PRSS3: variants seen among roughly 807,000 people sequenced by gnomAD.
PRSS3 encodes the protein serine protease 3, also known as trypsin-3.
PRSS3 carries 14 observed loss-of-function variants against 20.8 expected under a neutral mutation model. That is an observed-to-expected ratio of 0.67 (90% CI 0.44 to 1.05). The LOEUF (loss-of-function observed/expected upper bound fraction) is 1.05. Among genes scored for constraint, PRSS3 ranks in the 50% least tolerant of loss-of-function variants. The pLI, the probability that PRSS3 is intolerant of heterozygous loss-of-function variation, is 0.00. For missense variants in PRSS3, 237 were observed against 306.4 expected, an observed-to-expected ratio of 0.77 and a Z score of 1.69; for synonymous variants, 91 against 117.6, an observed-to-expected ratio of 0.77 and a Z score of 1.46.
intron 1 of PRSS3, among the ~76,000 whole-genome samples, chr9:33,779,938 G>C (rs1178867253): frequency 7.3e-6 from 1 of 137,086 alleles, no homozygotes; most frequent in African/African-American, 2.7e-5. Flanking sequence ...TAAAATCTAT[G>C]ACTCATTGGC....
chr9:33,752,260 C>A (rs1255574144), intron 1 of PRSS3, among the ~76,000 whole-genome samples: 2 of 152,158 alleles, frequency 1.3e-5, no homozygotes, highest in Non-Finnish European at 2.9e-5. Flanking sequence ...ACATTTGGCA[C>A]CAGTTGTTTC....
intron 1 of PRSS3, among the ~76,000 whole-genome samples, chr9:33,758,169 T>C (rs1404262744): frequency 6.6e-6 from 1 of 152,198 alleles, no homozygotes; most frequent in South Asian, 2.1e-4. Flanking sequence ...CTAATGGTCA[T>C]TTTTCTGCCT....
At chr9:33,756,046 T>G (rs1378660087) in intron 1 of PRSS3, among the ~76,000 whole-genome samples, 1 of 152,226 alleles carries the variant, frequency 6.6e-6, no homozygotes, top group East Asian at 1.9e-4. Flanking sequence ...TTACGCCTTT[T>G]TCTTAAAGAA....
Position 33,750,857 on chromosome 9 carries a change from G to A in PRSS3, c.-53+130G>A. 2.2e-6 allele frequency: 3 copies of A among 1,382,522 alleles called. No homozygotes were observed. The highest frequency in any genetic ancestry group is 1.9e-4 in the Middle Eastern group (1 of 5,336). 85.6% of individuals were successfully genotyped at this position (1,382,522 alleles called of 1,614,324 possible). A position where few individuals can be genotyped will look rare whatever the true frequency, so the allele number is the denominator to read the frequency against. On this transcript the variant is annotated intron_variant, in intron 1 of 5. Transcript: ENST00000342836. The surrounding 1 kb of genome is among the most constrained non-coding windows in gnomAD (Gnocchi z 4.8). ...GCATGGGACCTGCGGGGGAGGGTAC[G>A]CGGACAGGGAGGGGATACCGACTGG... is the stretch of plus-strand genomic sequence containing the variant.
At chr9:33,761,560 G>A (rs1304146473) in intron 1 of PRSS3, among the ~76,000 whole-genome samples, 1 of 152,106 alleles carries the variant, frequency 6.6e-6, no homozygotes, top group East Asian at 1.9e-4. Flanking sequence ...TACAAAATTA[G>A]CCAGGCGTGG....
At chr9:33,751,398 G>A (rs1286230341) in intron 1 of PRSS3, among the ~76,000 whole-genome samples, 1 of 152,192 alleles carries the variant, frequency 6.6e-6, no homozygotes, top group Non-Finnish European at 1.5e-5. Context: ...GCGCAGTGGG[G>A]GAGAAATTTG....
At chr9:33,760,646 T>G (rs1389878489) in intron 1 of PRSS3, among the ~76,000 whole-genome samples, 1 of 148,870 alleles carries the variant, frequency 6.7e-6, no homozygotes, top group East Asian at 2.0e-4. Context: ...CTCGGGAGGC[T>G]GAGGCCAGAG....
rs769933676 is a variant in PRSS3, at chr9:33,796,713, C to T, written c.111C>T (p.Tyr37=). The part of the protein sequence containing the change: ...GYTCEENSLP[Y]QVSLNSGSHF... The stretch of plus-strand genomic sequence containing the variant: ...CCTGTGAGGAGAATTCTCTCCCCTA[C>T]CAGGTGTCCCTGAATTCTGGCTCCC... Residue 37 remains tyrosine, a synonymous_variant, in exon 2 of 5, where the codon TAC becomes TAT. Transcript: ENST00000379405. The T allele has an allele frequency of 1.3e-5, 21 of 1,614,026 alleles. No homozygotes were observed. In the Middle Eastern group the frequency reaches 5.0e-4, roughly 38 times the overall value.
At position 33,798,020 on chromosome 9, in the gene PRSS3, C is replaced by G; in HGVS notation, c.392C>G (p.Thr131Ser). 6.2e-7 allele frequency: 1 copy of G among 1,613,862 alleles called. No individual in the cohort carries two copies. Among genetic ancestry groups the G allele is most frequent in the Non-Finnish European group, 8.5e-7 (1 of 1,179,672 alleles). Residue 131 changes from threonine (T) to serine (S), a missense_variant, in exon 3 of 5, where the codon ACC (threonine) becomes AGC (serine). Thr to Ser is a moderately conservative substitution (Grantham distance 58). Transcript: ENST00000379405. ...GTGTCCACCATCTCTCTGCCCACCA[C>G]CCCTCCAGCTGCTGGCACTGAGTGC... Reference protein sequence around the residue: ...ARVSTISLPTTPPAAGTECLI... With the variant: ...ARVSTISLPTSPPAAGTECLI...
rs1563960292 is a variant in PRSS3, at chr9:33,771,635, T to TGG, written c.-53+20908_-53+20909insGG. Among the ~76,000 whole-genome samples, 37 of 94,532 alleles carry TGG rather than the reference T, an allele frequency of 3.9e-4. 1 individual carries two copies. Among genetic ancestry groups the TGG allele is most frequent in the South Asian group, 8.9e-4 (3 of 3,360 alleles). The allele number at this position is 94,532 out of a possible 152,430, so 62.0% of individuals were successfully genotyped here. On this transcript the variant is annotated intron_variant, in intron 1 of 5. Coordinates refer to the PRSS3 transcript ENST00000342836. ...AGCCACTGCACTGGGTTTTGTTTTT[T>TGG]TGTTTTTTTGTTTTTTTTTTTTTTG...
intron 3 of PRSS3, 153 bp downstream of exon 3, chr9:33,798,235 C>A: frequency 1.4e-6 from 2 of 1,462,262 alleles, no homozygotes; most frequent in Non-Finnish European, 1.9e-6. Context: ...CAGAGAGATG[C>A]AAAGTCTCAA....
upstream of PRSS3, among the ~76,000 whole-genome samples, chr9:33,794,428 C>A (rs937494547): frequency 6.6e-6 from 1 of 152,200 alleles, no homozygotes; most frequent in African/African-American, 2.4e-5. Flanking sequence ...CAGTCAATTA[C>A]ACAACTGTGT....
At chr9:33,759,773 A>G (rs1487502639) in intron 1 of PRSS3, among the ~76,000 whole-genome samples, 1 of 152,168 alleles carries the variant, frequency 6.6e-6, no homozygotes, top group Non-Finnish European at 1.5e-5. Flanking sequence ...CCAGTGTGCA[A>G]GTGGTGATTA....
At chr9:33,765,569 A>G (rs2118844824) in intron 1 of PRSS3, among the ~76,000 whole-genome samples, 1 of 152,340 alleles carries the variant, frequency 6.6e-6, no homozygotes, top group South Asian at 2.1e-4. Context: ...GAACACAAGC[A>G]CTATGATACC....
intron 1 of PRSS3, among the ~76,000 whole-genome samples, chr9:33,767,925 G>T (rs1380692729): frequency 6.6e-6 from 1 of 152,236 alleles, no homozygotes; most frequent in Non-Finnish European, 1.5e-5. Context: ...AGAGGCCTCA[G>T]AAGAAACCCA....
At chr9:33,751,013 C>A (rs1822667944) in intron 1 of PRSS3, among the ~76,000 whole-genome samples, 1 of 152,088 alleles carries the variant, frequency 6.6e-6, no homozygotes, top group Non-Finnish European at 1.5e-5. Flanking sequence ...ACTCCCACCG[C>A]CCCCGAGTGC....
chr9:33,795,891 G>A lies in PRSS3; in HGVS notation c.40+278G>A, dbSNP rs1320685793. Among the ~76,000 whole-genome samples, 6 of 152,314 alleles carry A rather than the reference G, an allele frequency of 3.9e-5. No individual in the cohort carries two copies. In the East Asian group the frequency reaches 1.2e-3, roughly 29 times the overall value. ...TGGGGCTGGCCCATGAAATGAAGTG[G>A]CAGGCTTCAGGCTTGGCTCCAAGAG... On this transcript the variant is annotated intron_variant, in intron 1 of 4. Transcript: ENST00000379405.
intron 1 of PRSS3, among the ~76,000 whole-genome samples, chr9:33,781,763 A>G (rs1480578000): frequency 6.6e-6 from 1 of 152,236 alleles, no homozygotes; most frequent in Non-Finnish European, 1.5e-5. Context: ...AAGAAACTAA[A>G]AAGCTGATTC....
upstream of PRSS3, among the ~76,000 whole-genome samples, chr9:33,791,755 GCAAT>G (rs1824639955): frequency 6.6e-6 from 1 of 152,188 alleles, no homozygotes; most frequent in African/African-American, 2.4e-5. Flanking sequence ...TTATATTACA[GCAAT>G]CAATCTATCC....
Sources: allele counts gnomAD v4.1 joint callset (sites outside exome capture counted in the v4.1 genomes callset), GRCh38; gene constraint gnomAD v4.1.1; non-coding constraint Gnocchi (gnomAD v3.1); transcripts MANE v1.5; gene names NCBI Gene and HGNC (gene_info 2026-07-23, HGNC 2026-07-21).